Variants in KCNMA1 observed in about 807,000 individuals in gnomAD.
KCNMA1 encodes Calcium-activated potassium channel subunit alpha-1.
In KCNMA1, 29 loss-of-function variants were observed where a neutral mutation model predicts 140.0. The ratio of observed to expected loss-of-function variants is 0.21; its 90% CI spans 0.15 to 0.28. KCNMA1 has a LOEUF of 0.28. KCNMA1 is among the 10% of genes least tolerant of loss of function. The probability of loss-of-function intolerance (pLI) is 1.00; values close to 1 mark genes in which losing one functional copy is unlikely to be tolerated. For missense variants in KCNMA1, 880 were observed against 1,602.2 expected (o/e 0.55, Z 7.70); for synonymous variants, 612 against 611.9 (o/e 1.00, Z 0.00).
At chr10:77,295,115 A>G (rs2074509793) in intron 2 of KCNMA1, among the ~76,000 whole-genome samples, 1 of 152,008 alleles carries the variant, frequency 6.6e-6, no homozygotes, top group African/African-American at 2.4e-5. Context: ...TGGGAAGCCA[A>G]GGTGGGCAGA....
chr10:76,977,575 T>C, intron 19 of KCNMA1: 2 of 702,934 alleles, frequency 2.8e-6, no homozygotes, highest in African/African-American at 1.7e-5. Flanking sequence ...ACCCCTGCAG[T>C]AGTTTAATCT....
At chr10:76,914,790 C>A in intron 24 of KCNMA1, 146 bp downstream of exon 24, 1 of 676,902 alleles carries the variant, frequency 1.5e-6, no homozygotes. Context: ...CATATTTCTC[C>A]CCATACCTTC....
In KCNMA1 at chr10:76,953,915, G is replaced by A; in HGVS notation, c.2370C>T (p.Pro790=). 2 of 1,614,092 alleles carry A rather than the reference G, an allele frequency of 1.2e-6. No individual in the cohort carries two copies. Among genetic ancestry groups the A allele is most frequent in the South Asian group, 1.1e-5 (1 of 91,082 alleles). The change falls in exon 21 of 28, where the codon CCC becomes CCT. Residue 790 remains proline (P), a synonymous_variant. Coordinates refer to ENST00000286628, the MANE Select transcript of KCNMA1 (RefSeq NM_001161352.2). ...TCTGATCATTGCCAGGAATTAACAAGGGGTCATGCCTGGGAAGAAAAGGAC... is the reference window on the plus strand; with the variant it reads ...TCTGATCATTGCCAGGAATTAACAAAGGGTCATGCCTGGGAAGAAAAGGAC... The part of the protein sequence containing the change: ...NTSPKLMRHD[P]LLIPGNDQID...
At chr10:77,148,786 T>C (rs575681327) in intron 5 of KCNMA1, among the ~76,000 whole-genome samples, 1 of 152,330 alleles carries the variant, frequency 6.6e-6, no homozygotes, top group Non-Finnish European at 1.5e-5. Context: ...CCAGTAAAAC[T>C]TTCCTTACAA....
rs542315210 is a variant in KCNMA1, at chr10:77,084,166, G to A, written c.1523+471C>T. On this transcript the variant is annotated intron_variant, in intron 12 of 27. Transcript: ENST00000286628. The stretch of plus-strand genomic sequence containing the variant: ...GGGCTGACCTGTGCATTGCAGGGTC[G>A]TTCGCAGTGTCCCTGGGCTCTACCT... 9.5e-4 allele frequency among the ~76,000 whole-genome samples: 145 copies of A among 152,186 alleles called. 3 individuals carry two copies. In the South Asian group the frequency reaches 0.029, roughly 30 times the overall value.
intron 21 of KCNMA1, chr10:76,951,902 C>T (rs750674282): frequency 6.0e-5 from 52 of 863,434 alleles, no homozygotes; most frequent in Non-Finnish European, 8.1e-5. Flanking sequence ...CCTGCTAGAA[C>T]ACAAGCTCTG....
At chr10:77,586,117 T>C (rs1200485114) in intron 1 of KCNMA1, among the ~76,000 whole-genome samples, 1 of 152,224 alleles carries the variant, frequency 6.6e-6, no homozygotes, top group African/African-American at 2.4e-5. Flanking sequence ...TCTAACATTT[T>C]TCTGAAATCA....
intron 1 of KCNMA1, among the ~76,000 whole-genome samples, chr10:77,408,471 CGT>C (rs540246621): frequency 5.3e-5 from 8 of 151,170 alleles, no homozygotes; most frequent in Admixed American, 1.3e-4. Flanking sequence ...TTTGTGTGCA[CGT>C]GTGAGTGTGT....
intron 1 of KCNMA1, among the ~76,000 whole-genome samples, chr10:77,526,845 CT>C (rs2055906068): frequency 6.6e-6 from 1 of 152,184 alleles, no homozygotes; most frequent in South Asian, 2.1e-4. Flanking sequence ...TCTCTTCCCC[CT>C]CTCCAACTTC....
In KCNMA1 at chr10:77,011,949, G is replaced by T; in HGVS notation, c.2092+18C>A. ...AGGAATGAGAAAGGGAGGGGACAGG[G>T]AGAGAAACACTACTTACGCCGTTTG... On this transcript the variant is annotated intron_variant, in intron 18 of 27. Transcript: ENST00000286628. The T allele has an allele frequency of 6.2e-7, 1 of 1,607,168 alleles. No homozygotes were observed. Among genetic ancestry groups the T allele is most frequent in the South Asian group, 1.1e-5 (1 of 90,924 alleles).
intron 3 of KCNMA1, among the ~76,000 whole-genome samples, chr10:77,186,296 G>A (rs532564160): frequency 6.6e-6 from 1 of 151,020 alleles, no homozygotes; most frequent in Admixed American, 6.6e-5. Context: ...CAAGCATTAA[G>A]AGTAACCTTT....
intron 2 of KCNMA1, among the ~76,000 whole-genome samples, chr10:77,393,289 C>G (rs1392875175): frequency 6.6e-6 from 1 of 151,310 alleles, no homozygotes; most frequent in Non-Finnish European, 1.5e-5. Context: ...TTCTTCTACC[C>G]CTGCCCCAGA....
intron 2 of KCNMA1, among the ~76,000 whole-genome samples, chr10:77,330,749 T>G (rs1003245075): frequency 1.3e-5 from 2 of 152,082 alleles, no homozygotes; most frequent in African/African-American, 4.8e-5. Flanking sequence ...CAAAGTTTAG[T>G]GGGAAAAGCA....
chr10:76,982,200 A>C (rs2079722392), intron 19 of KCNMA1, among the ~76,000 whole-genome samples: 1 of 152,214 alleles, frequency 6.6e-6, no homozygotes, highest in Admixed American at 6.5e-5. Context: ...ATTGCATTAA[A>C]TACGAATATA....
intron 5 of KCNMA1, among the ~76,000 whole-genome samples, chr10:77,163,764 T>G (rs907640235): frequency 6.6e-6 from 1 of 152,214 alleles, no homozygotes; most frequent in African/African-American, 2.4e-5. Flanking sequence ...AATTGTCTAG[T>G]GCCAAGGTGG....
intron 27 of KCNMA1, among the ~76,000 whole-genome samples, chr10:76,889,236 C>T (rs1386698173): frequency 2.0e-5 from 3 of 152,132 alleles, no homozygotes; most frequent in Non-Finnish European, 4.4e-5. Flanking sequence ...TAATACAAAA[C>T]TTGAATTCTT....
At chr10:76,987,108 T>C (rs1454676856) in intron 19 of KCNMA1, among the ~76,000 whole-genome samples, 1 of 152,100 alleles carries the variant, frequency 6.6e-6, no homozygotes, top group East Asian at 1.9e-4. Context: ...TGAAAGACCT[T>C]TTTCCTTGAG....
At chr10:77,094,163 G>C (rs2096876399) in intron 9 of KCNMA1, among the ~76,000 whole-genome samples, 1 of 152,138 alleles carries the variant, frequency 6.6e-6, no homozygotes, top group Admixed American at 6.5e-5. Flanking sequence ...GTATTCTGTG[G>C]CCTATGCAAT....
At chr10:76,875,264 GA>G (rs1351302040), downstream of KCNMA1, 1 of 152,088 alleles carries the variant, frequency 6.6e-6, no homozygotes, top group Non-Finnish European at 1.5e-5. Context: ...TTCTAGTCCA[GA>G]ACAATTCATT....
Sources: allele counts gnomAD v4.1 joint callset (sites outside exome capture counted in the v4.1 genomes callset), GRCh38; gene constraint gnomAD v4.1.1; transcripts MANE v1.5; gene names NCBI Gene and HGNC (gene_info 2026-07-23, HGNC 2026-07-21).